Variants in CNTLN observed in about 807,000 individuals in gnomAD.
CNTLN encodes centlein.
CNTLN carries 212 observed loss-of-function variants against 180.0 expected under a neutral mutation model. The observed-to-expected ratio is 1.18, with a 90% confidence interval of 1.05 to 1.32. The LOEUF (loss-of-function observed/expected upper bound fraction) is 1.32. CNTLN is among the 40% of genes most tolerant of loss of function. The pLI is 0.00. For synonymous variants in CNTLN, 722 were observed against 563.1 expected, an observed-to-expected ratio of 1.28 and a Z score of -3.99; for missense variants, 2,095 against 1,610.9, an observed-to-expected ratio of 1.30 and a Z score of -5.14.
intron 23 of CNTLN, among the ~76,000 whole-genome samples, chr9:17,471,480 C>A (rs968434808): frequency 1.3e-5 from 2 of 151,916 alleles, no homozygotes; most frequent in Non-Finnish European, 2.9e-5. Flanking sequence ...TTGACAATAT[C>A]CTCAGATATT....
chr9:17,247,699 A>G (rs564194691), intron 5 of CNTLN, among the ~76,000 whole-genome samples: 2 of 150,084 alleles, frequency 1.3e-5, no homozygotes, highest in African/African-American at 4.9e-5. Flanking sequence ...TGAGGCTTCT[A>G]TTTAGCCATC....
At chr9:17,189,152 G>A (rs1358266125) in intron 2 of CNTLN, among the ~76,000 whole-genome samples, 1 of 130,922 alleles carries the variant, frequency 7.6e-6, no homozygotes, top group Non-Finnish European at 1.5e-5. Flanking sequence ...GCGTGATCTC[G>A]GCTCACTGCA....
chr9:17,330,906 G>T, intron 9 of CNTLN, 98 bp downstream of exon 9: 1 of 1,128,672 alleles, frequency 8.9e-7, no homozygotes, highest in Non-Finnish European at 1.3e-6. Flanking sequence ...TTCTCTGCTT[G>T]TATTTCGGGA....
intron 10 of CNTLN, among the ~76,000 whole-genome samples, chr9:17,334,910 T>TAA (rs71303378): frequency 0.036 from 4,459 of 122,360 alleles, 87 homozygotes; most frequent in Non-Finnish European, 0.043. Flanking sequence ...AATCTAAAAT[T>TAA]AAAAAAAAAA....
intron 2 of CNTLN, among the ~76,000 whole-genome samples, chr9:17,204,654 G>T (rs1167228991): frequency 1.3e-5 from 2 of 152,152 alleles, no homozygotes; most frequent in African/African-American, 4.8e-5. Context: ...GGGGGTTAGG[G>T]ACCCATTTGA....
intron 12 of CNTLN, among the ~76,000 whole-genome samples, chr9:17,353,950 G>A (rs944933475): frequency 6.6e-6 from 1 of 152,152 alleles, no homozygotes; most frequent in Non-Finnish European, 1.5e-5. Context: ...AGGCGTGAGC[G>A]GGAACCCGGG....
At chr9:17,410,416 A>C (rs541917592) in intron 16 of CNTLN, among the ~76,000 whole-genome samples, 1 of 152,176 alleles carries the variant, frequency 6.6e-6, no homozygotes, top group African/African-American at 2.4e-5. Flanking sequence ...TGGCTTAGAC[A>C]TTTTTATATA....
chr9:17,166,900 C>G (rs754006891), intron 2 of CNTLN: 1 of 459,876 alleles, frequency 2.2e-6, no homozygotes, highest in South Asian at 1.6e-5. Flanking sequence ...ATGTGAGATC[C>G]AACACATGAA....
intron 2 of CNTLN, among the ~76,000 whole-genome samples, chr9:17,176,457 A>C (rs1820724618): frequency 6.6e-6 from 1 of 152,200 alleles, no homozygotes. Context: ...TTGGTCGTGG[A>C]GTACAATTAT....
Position 17,464,534 on chromosome 9 carries a change from C to A in CNTLN, c.3442C>A (p.His1148Asn), listed in dbSNP as rs868514109. Residue 1148 changes from histidine to asparagine, a missense_variant, in exon 21 of 26, where the codon CAT becomes AAT. His to Asn is a moderately conservative substitution (Grantham distance 68, BLOSUM62 1). Coordinates refer to ENST00000380647, the MANE Select transcript of CNTLN (RefSeq NM_017738.4). ...RMERDITMKR[H>N]LIEDLKFRQK... ...GGAGAGGGATATAACTATGAAAAGACATTTGATAGAGGACTTGAAATTTCG... is the reference window on the plus strand; with the variant it reads ...GGAGAGGGATATAACTATGAAAAGAAATTTGATAGAGGACTTGAAATTTCG... 3 of 1,518,076 alleles carry A rather than the reference C, an allele frequency of 2.0e-6. No individual in the cohort carries two copies. The highest frequency in any genetic ancestry group is 2.6e-5 in the South Asian group (2 of 76,938). The allele number at this position is 1,518,076 out of a possible 1,614,324, so 94.0% of individuals were successfully genotyped here.
chr9:17,142,565 A>G (rs1419172122), intron 1 of CNTLN, among the ~76,000 whole-genome samples: 2 of 152,188 alleles, frequency 1.3e-5, no homozygotes, highest in African/African-American at 4.8e-5. Flanking sequence ...AAATGGCTCT[A>G]GATAGAAATG....
chr9:17,499,230 C>T (rs185293939), intron 25 of CNTLN, among the ~76,000 whole-genome samples: 1 of 152,156 alleles, frequency 6.6e-6, no homozygotes, highest in African/African-American at 2.4e-5. Context: ...TCATGTGGTA[C>T]TATAAGATTT....
chr9:17,428,202 C>A (rs749172890), intron 18 of CNTLN, among the ~76,000 whole-genome samples: 3 of 152,016 alleles, frequency 2.0e-5, no homozygotes, highest in African/African-American at 4.8e-5. Context: ...ATTAGGAGTC[C>A]TCTTGCACTT....
At chr9:17,309,413 A>G (rs547843706) in intron 8 of CNTLN, among the ~76,000 whole-genome samples, 161 bp downstream of exon 8, 16 of 152,208 alleles carry the variant, frequency 1.1e-4, no homozygotes, top group African/African-American at 3.8e-4. Flanking sequence ...GTTTGTAGGC[A>G]TGAATATTAC....
At chr9:17,175,331 A>C (rs1267938538) in intron 2 of CNTLN, among the ~76,000 whole-genome samples, 1 of 152,138 alleles carries the variant, frequency 6.6e-6, no homozygotes, top group East Asian at 1.9e-4. Flanking sequence ...AAGAGATTTA[A>C]GGAGGTCAAG....
At chr9:17,318,838 T>TTCCATCCATCCATCCA (rs60102156) in intron 8 of CNTLN, among the ~76,000 whole-genome samples, 4 of 151,310 alleles carry the variant, frequency 2.6e-5, no homozygotes, top group African/African-American at 9.7e-5. Flanking sequence ...CCATCCTTTA[T>TTCCATCCATCCATCCA]TCCATCCATC....
intron 1 of CNTLN, among the ~76,000 whole-genome samples, chr9:17,140,145 C>G (rs1409754157): frequency 1.3e-5 from 2 of 151,740 alleles, no homozygotes; most frequent in Admixed American, 1.3e-4. Flanking sequence ...CGGGGGGGGA[C>G]TTTATTTTTT....
chr9:17,463,057 G>A (rs1438275657), intron 20 of CNTLN, 44 bp downstream of exon 20: 1 of 1,139,264 alleles, frequency 8.8e-7, no homozygotes, highest in African/African-American at 1.6e-5. Context: ...GTGCCACCTA[G>A]TGGCAACCAG....
chr9:17,178,218 A>G (rs1043589560), intron 2 of CNTLN, among the ~76,000 whole-genome samples: 3 of 152,190 alleles, frequency 2.0e-5, no homozygotes, highest in African/African-American at 7.2e-5. Context: ...TGAGCTAGAC[A>G]CAGGGTGCTG....
Sources: gnomAD v4.1 joint callset for allele counts (sites outside exome capture counted in the v4.1 genomes callset) on GRCh38, gnomAD v4.1.1 for gene constraint, MANE v1.5 for transcripts, NCBI Gene and HGNC (gene_info 2026-07-23, HGNC 2026-07-21) for gene names.